Variants in DTX1 observed in about 807,000 individuals in gnomAD.
The protein encoded by DTX1 is deltex E3 ubiquitin ligase 1.
Under a neutral mutation model 57.8 loss-of-function variants are expected in DTX1, and 26 were observed. The ratio of observed to expected loss-of-function variants is 0.45; its 90% confidence interval spans 0.33 to 0.62. The LOEUF (loss-of-function observed/expected upper bound fraction) is 0.62, where lower values mean the gene tolerates loss of function less well. Among genes scored for constraint, DTX1 ranks in the 20% least tolerant of loss-of-function variants. The pLI, the probability that DTX1 is intolerant of heterozygous loss-of-function variation, is 0.02. For synonymous variants in DTX1, 398 were observed against 394.1 expected, an observed-to-expected ratio of 1.01 and a Z score of -0.12; for missense variants, 704 against 895.3, an observed-to-expected ratio of 0.79 and a Z score of 2.73.
At chr12:113,094,437 GT>G (rs1397121737) in intron 6 of DTX1, among the ~76,000 whole-genome samples, 1 of 152,190 alleles carries the variant, frequency 6.6e-6, no homozygotes, top group Non-Finnish European at 1.5e-5. Flanking sequence ...AAGGGGCTGG[GT>G]GCAGTGGCTC....
rs775359324 is a variant in DTX1, at chr12:113,094,873, G to A, written c.1312G>A (p.Val438Met). ...LRHKGVRPELVGRLGRCGHMY... is the reference protein window; with the variant it reads ...LRHKGVRPELMGRLGRCGHMY... ...GCACAAGGGCGTGCGGCCTGAGCTCGTGGGCCGCCTGGGCCGCTGTGGCCA... is the reference window on the plus strand; with the variant it reads ...GCACAAGGGCGTGCGGCCTGAGCTCATGGGCCGCCTGGGCCGCTGTGGCCA... Residue 438 changes from valine to methionine, a missense_variant, in exon 7 of 10, where the codon GTG (valine) becomes ATG (methionine). By Grantham distance (21) the Val-to-Met change is conservative (BLOSUM62 1). Coordinates refer to ENST00000548759, the MANE Select transcript of DTX1 (RefSeq NM_004416.3). 8 of 1,613,616 alleles carry A rather than the reference G, an allele frequency of 5.0e-6. No homozygotes were observed. Among genetic ancestry groups the A allele is most frequent in the Non-Finnish European group, 6.8e-6 (8 of 1,180,018 alleles).
At chr12:113,086,758 G>A (rs1401076963) in intron 3 of DTX1, among the ~76,000 whole-genome samples, 3 of 151,980 alleles carry the variant, frequency 2.0e-5, no homozygotes, top group Non-Finnish European at 4.4e-5. Flanking sequence ...TCAGGGGTTT[G>A]AAAATGTTAA....
chr12:113,065,893 C>G (rs2044700557), intron 2 of DTX1, among the ~76,000 whole-genome samples: 3 of 152,196 alleles, frequency 2.0e-5, no homozygotes, highest in East Asian at 1.9e-4. Context: ...AGGTCCCTAA[C>G]TCTCTCTCCA....
rs1950308791 is a variant in DTX1, at chr12:113,096,992, C to T, written c.*53C>T. On this transcript the variant is annotated 3_prime_UTR_variant, in exon 10 of 10. Transcript: ENST00000548759. ...GCTTTGCCCCTGGTCCGGCAAATGC[C>T]TCCTTCGCCAGGTGTGTCCTGGTAG... The T allele has an allele frequency of 6.5e-7, 1 of 1,533,002 alleles. No individual in the cohort carries two copies. Among genetic ancestry groups the T allele is most frequent in the Non-Finnish European group, 8.8e-7 (1 of 1,139,868 alleles). 95.0% of individuals were successfully genotyped at this position (1,533,002 alleles called of 1,614,324 possible). A position where few individuals can be genotyped will look rare whatever the true frequency, so the allele number is the denominator to read the frequency against.
rs535024033 is a variant in DTX1, at chr12:113,058,093, C to G, written c.-100C>G. 1 of 1,444,504 alleles carries G rather than the reference C, an allele frequency of 6.9e-7. No individual in the cohort carries two copies. Among genetic ancestry groups the G allele is most frequent in the Non-Finnish European group, 9.1e-7 (1 of 1,099,298 alleles). The allele number at this position is 1,444,504 out of a possible 1,614,324, so 89.5% of individuals were successfully genotyped here. On this transcript the variant is annotated 5_prime_UTR_variant, in exon 2 of 10. Transcript: ENST00000548759. ...TAGAAAGGAGGCCAGACGGTCCTTG[C>G]TGTCCCCCTGGGGAGAGAGGAAGTT...
chr12:113,087,412 G>T (rs540032363), intron 3 of DTX1, among the ~76,000 whole-genome samples: 6 of 152,220 alleles, frequency 3.9e-5, no homozygotes, highest in Non-Finnish European at 8.8e-5. Flanking sequence ...CTGGTCCCCC[G>T]GGCTTGCAGC....
At chr12:113,066,612 G>A (rs1235923180) in intron 2 of DTX1, among the ~76,000 whole-genome samples, 2 of 152,034 alleles carry the variant, frequency 1.3e-5, no homozygotes, top group Non-Finnish European at 2.9e-5. Flanking sequence ...CTGAGCCTCT[G>A]TTTCCTCACC....
chr12:113,076,553 G>A (rs961517740), intron 2 of DTX1, among the ~76,000 whole-genome samples: 2 of 151,598 alleles, frequency 1.3e-5, no homozygotes, highest in African/African-American at 2.4e-5. Context: ...TGCTTGAGCC[G>A]AAGAGTTTGA....
chr12:113,093,149 C>T lies in DTX1; in HGVS notation c.942-13C>T, dbSNP rs555572608. ...CTGGAGTCCAGCTGCGGCCTCTTCT[C>T]TTCTCCCCGCAGGGTCCCCGCACTC... On this transcript the variant is annotated splice_polypyrimidine_tract_variant and intron_variant, in intron 3 of 9. Coordinates refer to ENST00000548759, the MANE Select transcript of DTX1 (RefSeq NM_004416.3). The surrounding 1 kb of genome is among the most constrained non-coding windows in gnomAD (Gnocchi z 4.2). 3 of 1,587,676 alleles carry T rather than the reference C, an allele frequency of 1.9e-6. No homozygotes were observed. The highest frequency in any genetic ancestry group is 1.8e-5 in the Admixed American group (1 of 56,702).
At chr12:113,081,039 G>C (rs999555110) in intron 3 of DTX1, among the ~76,000 whole-genome samples, 2 of 151,930 alleles carry the variant, frequency 1.3e-5, no homozygotes, top group Non-Finnish European at 2.9e-5. Flanking sequence ...AATAGGTTGC[G>C]AGGTGAAATG....
intron 2 of DTX1, among the ~76,000 whole-genome samples, chr12:113,074,380 G>A (rs2044756448): frequency 6.6e-6 from 1 of 152,218 alleles, no homozygotes; most frequent in Non-Finnish European, 1.5e-5. Context: ...TCTGGGAATG[G>A]TGAGGTCATA....
rs2136068962 is a variant in DTX1 at position 113,096,608 on chromosome 12, G to A, written c.1639-107G>A. 4 of 1,068,728 alleles carry A rather than the reference G, an allele frequency of 3.7e-6. No individual in the cohort carries two copies. The East Asian group carries it at 1.0e-4, about 28-fold the overall frequency. 66.2% of individuals were successfully genotyped at this position (1,068,728 alleles called of 1,614,324 possible). A position where few individuals can be genotyped will look rare whatever the true frequency, so the allele number is the denominator to read the frequency against. ...TACGTAGTTGGTGCTAATGGACGAA[G>A]CCATAAGGTAGCCATGATGTGGCAG... On this transcript the variant is annotated intron_variant, in intron 9 of 9. Coordinates refer to ENST00000548759, the MANE Select transcript of DTX1 (RefSeq NM_004416.3).
At chr12:113,060,248 A>G (rs1039260238) in intron 2 of DTX1, among the ~76,000 whole-genome samples, 6 of 152,122 alleles carry the variant, frequency 3.9e-5, no homozygotes, top group Non-Finnish European at 7.4e-5. Flanking sequence ...CTGTGTGTCA[A>G]TTTCTGTGCT....
chr12:113,077,806 C>T lies in DTX1; in HGVS notation c.642C>T (p.Ala214=). The change falls in exon 3 of 10, where the codon GCC becomes GCT. Residue 214 remains alanine (A), a synonymous_variant. Transcript: ENST00000548759. This position sits in a 1 kb window ranked among gnomAD's most constrained non-coding sequence, Gnocchi z 7.8. The part of the protein sequence containing the change: ...QCLLVNSTRA[A]SNAILASQRR... ...TGCTGGTCAACAGCACGCGCGCCGCCTCCAACGCCATCCTGGCCTCGCAGC... is the reference window on the plus strand; with the variant it reads ...TGCTGGTCAACAGCACGCGCGCCGCTTCCAACGCCATCCTGGCCTCGCAGC... 1 of 1,487,202 alleles carries T rather than the reference C, an allele frequency of 6.7e-7. No individual in the cohort carries two copies. Among genetic ancestry groups the T allele is most frequent in the East Asian group, 2.7e-5 (1 of 36,744 alleles). The allele number at this position is 1,487,202 out of a possible 1,614,324, so 92.1% of individuals were successfully genotyped here.
intron 3 of DTX1, among the ~76,000 whole-genome samples, chr12:113,079,977 A>G (rs544663310): frequency 6.6e-6 from 1 of 151,842 alleles, no homozygotes; most frequent in African/African-American, 2.4e-5. Context: ...AACGCTGTGT[A>G]CCTGAACACA....
chr12:113,088,589 C>T (rs931562032), intron 3 of DTX1, among the ~76,000 whole-genome samples: 1 of 152,134 alleles, frequency 6.6e-6, no homozygotes, highest in African/African-American at 2.4e-5. Context: ...GCACATGTAC[C>T]CTAGAACTTA....
chr12:113,095,651 G>C, intron 9 of DTX1: 2 of 543,580 alleles, frequency 3.7e-6, no homozygotes, highest in Non-Finnish European at 3.2e-6. Flanking sequence ...GCTTCAGAAA[G>C]GGCAAGTCAC....
rs1458861894 is a variant in DTX1, at chr12:113,097,063, A to G, written c.*124A>G. The G allele has an allele frequency of 9.1e-6, 10 of 1,099,660 alleles. No homozygotes were observed. 68.1% of individuals were successfully genotyped at this position (1,099,660 alleles called of 1,614,324 possible). On this transcript the variant is annotated 3_prime_UTR_variant, in exon 10 of 10. Coordinates refer to ENST00000548759, the MANE Select transcript of DTX1 (RefSeq NM_004416.3). Reference sequence around the variant, plus strand: ...GGAGCCTGCGGAAGGGGCCGCAGCCATTCAGGGGACCTGCCTGGTGGCAGC... The same window carrying G: ...GGAGCCTGCGGAAGGGGCCGCAGCCGTTCAGGGGACCTGCCTGGTGGCAGC...
At chr12:113,061,773 C>T (rs1353931718) in intron 2 of DTX1, among the ~76,000 whole-genome samples, 1 of 151,988 alleles carries the variant, frequency 6.6e-6, no homozygotes, top group African/African-American at 2.4e-5. Flanking sequence ...GTGATGTCGG[C>T]TCACTGCAGC....
Sources: allele counts gnomAD v4.1 joint callset (sites outside exome capture counted in the v4.1 genomes callset), GRCh38; gene constraint gnomAD v4.1.1; non-coding constraint Gnocchi (gnomAD v3.1); transcripts MANE v1.5; gene names NCBI Gene and HGNC (gene_info 2026-07-23, HGNC 2026-07-21).